The following FRMD5 variants were observed in gnomAD, a reference collection of about 807,000 sequenced individuals.
FRMD5 encodes the protein FERM domain containing 5.
A neutral mutation model predicts 69.0 loss-of-function variants in FRMD5; 20 were observed. That is an observed-to-expected ratio of 0.29 (90% CI 0.20 to 0.42). The LOEUF is 0.42. FRMD5 is among the 10% of genes least tolerant of loss of function. The pLI, the probability that FRMD5 is intolerant of heterozygous loss-of-function variation, is 1.00. For synonymous variants in FRMD5, 271 were observed against 260.1 expected (o/e 1.04, Z -0.40); for missense variants, 595 against 708.6 (o/e 0.84, Z 1.82).
chr15:44,010,845 G>A (rs928476006), intron 1 of FRMD5, among the ~76,000 whole-genome samples: 1 of 152,032 alleles, frequency 6.6e-6, no homozygotes, highest in Non-Finnish European at 1.5e-5. Context: ...CTAACTGTGG[G>A]CAGAAGTTGT....
intron 1 of FRMD5, among the ~76,000 whole-genome samples, chr15:44,006,338 T>C (rs951496133): frequency 1.3e-4 from 20 of 152,166 alleles, no homozygotes; most frequent in African/African-American, 4.8e-4. Context: ...TTTCAAAATA[T>C]TACTGCTCAC....
chr15:44,040,829 T>A lies in FRMD5; in HGVS notation c.103-116520A>T, dbSNP rs149181825. 7.4e-3 allele frequency among the ~76,000 whole-genome samples: 1,126 copies of A among 151,744 alleles called. 21 individuals are homozygous for A. Among genetic ancestry groups the A allele is most frequent in the African/African-American group, 0.026 (1,076 of 41,318 alleles). On this transcript the variant is annotated intron_variant, in intron 1 of 13. Coordinates refer to ENST00000417257, the MANE Select transcript of FRMD5 (RefSeq NM_032892.5). ...CACACATAACAATATTAACCTTAAA[T>A]GTAAATGGGCTAAATGCCCCAATTA...
intron 1 of FRMD5, among the ~76,000 whole-genome samples, chr15:44,033,006 C>T (rs1222938350): frequency 1.3e-5 from 2 of 152,160 alleles, no homozygotes; most frequent in African/African-American, 4.8e-5. Context: ...GGTACATATA[C>T]ACCATGGAAT....
chr15:44,141,338 T>G (rs2077271038), intron 1 of FRMD5, among the ~76,000 whole-genome samples: 1 of 151,896 alleles, frequency 6.6e-6, no homozygotes, highest in African/African-American at 2.4e-5. Flanking sequence ...ACAAAATAAT[T>G]AAAAGAGTGT....
At chr15:44,049,580 T>G (rs1292780649) in intron 1 of FRMD5, among the ~76,000 whole-genome samples, 1 of 152,036 alleles carries the variant, frequency 6.6e-6, no homozygotes, top group East Asian at 1.9e-4. Context: ...GAGGAATCAA[T>G]AAGAAAAAAA....
chr15:44,090,311 G>A lies in FRMD5; in HGVS notation c.102+104642C>T, dbSNP rs16959475. Among the ~76,000 whole-genome samples the A allele has an allele frequency of 8.3e-3, 1,265 of 152,144 alleles. 16 individuals carry two copies. Among genetic ancestry groups the A allele is most frequent in the African/African-American group, 0.029 (1,223 of 41,510 alleles). On this transcript the variant is annotated intron_variant, in intron 1 of 13. Transcript: ENST00000417257. ...TCCCTAGTGAGTACTGCTCTCTTTA[G>A]ATGTCCCAATTGATTTGTAACTATA...
At chr15:43,935,714 C>T (rs906985179) in intron 1 of FRMD5, among the ~76,000 whole-genome samples, 10 of 152,242 alleles carry the variant, frequency 6.6e-5, no homozygotes, top group African/African-American at 2.4e-4. Context: ...GGAGGGGAGG[C>T]AGGAACCTTG....
At chr15:44,140,797 C>G (rs1473738281) in intron 1 of FRMD5, among the ~76,000 whole-genome samples, 1 of 145,422 alleles carries the variant, frequency 6.9e-6, no homozygotes. Context: ...GTAGGAGGGT[C>G]GCTTGGGCCC....
chr15:44,079,197 AATCAAAAT>A, intron 1 of FRMD5, among the ~76,000 whole-genome samples: 1 of 152,264 alleles, frequency 6.6e-6, no homozygotes, highest in East Asian at 1.9e-4. Flanking sequence ...GGAAAATGCA[AATCAAAAT>A]TACAGTGAGA....
intron 1 of FRMD5, among the ~76,000 whole-genome samples, chr15:43,974,674 A>G (rs1028034807): frequency 6.6e-6 from 1 of 152,222 alleles, no homozygotes. Context: ...AAGTGTTGAA[A>G]AGCAAAATAA....
At chr15:44,067,758 T>C (rs758694070) in intron 1 of FRMD5, among the ~76,000 whole-genome samples, 1 of 152,126 alleles carries the variant, frequency 6.6e-6, no homozygotes, top group Non-Finnish European at 1.5e-5. Flanking sequence ...ATATCAACAT[T>C]CAGACCATAG....
chr15:43,924,327 T>G lies in FRMD5; in HGVS notation c.103-18A>C. The G allele has an allele frequency of 1.3e-6, 2 of 1,579,704 alleles. No individual in the cohort carries two copies. The highest frequency in any genetic ancestry group is 1.7e-4 in the Middle Eastern group (1 of 5,972). ...GCATCTCTCTGCAAAGAAAGAAAAC[T>G]CCATTGAGAAATGAGTGGGTTTCTT... On this transcript the variant is annotated intron_variant, in intron 1 of 13. Transcript: ENST00000417257.
chr15:43,947,039 G>A (rs2089958657), intron 1 of FRMD5, among the ~76,000 whole-genome samples: 1 of 152,162 alleles, frequency 6.6e-6, no homozygotes, highest in South Asian at 2.1e-4. Flanking sequence ...TCAATTTGAG[G>A]TGAACTGGTT....
In FRMD5 at chr15:44,180,500, A is replaced by G. The variant is rs1458384959; in HGVS notation, c.102+14453T>C. Among the ~76,000 whole-genome samples, 3 of 152,112 alleles carry G rather than the reference A, an allele frequency of 2.0e-5. No homozygotes were observed. The East Asian group carries it at 5.8e-4, about 29-fold the overall frequency. On this transcript the variant is annotated intron_variant, in intron 1 of 13. Coordinates refer to ENST00000417257, the MANE Select transcript of FRMD5 (RefSeq NM_032892.5). The stretch of plus-strand genomic sequence containing the variant: ...CAGAGAAAGGATGTAAAAAAAGAAT[A>G]CTGGCCAGGCGCGGCAGCTCACACC...
chr15:43,952,563 C>T (rs781188689), intron 1 of FRMD5, among the ~76,000 whole-genome samples: 3 of 152,210 alleles, frequency 2.0e-5, no homozygotes, highest in Non-Finnish European at 2.9e-5. Flanking sequence ...GCAGAGGGAA[C>T]GCTTGGGTGA....
In FRMD5 at chr15:43,872,234, C is replaced by T. The variant is rs2088178461; in HGVS notation, c.*1651G>A. ...TATGCAAATCTCTCCCTAAGAACCC[C>T]AATTATTCCACAGTTGTCATATTGT... On this transcript the variant is annotated 3_prime_UTR_variant, in exon 14 of 14. Coordinates refer to ENST00000417257, the MANE Select transcript of FRMD5 (RefSeq NM_032892.5). The T allele has an allele frequency of 1.3e-5, 2 of 151,902 alleles. No homozygotes were observed. The highest frequency in any genetic ancestry group is 2.9e-5 in the Non-Finnish European group (2 of 67,984). The allele number at this position is 151,902 out of a possible 1,614,324, so 9.4% of individuals were successfully genotyped here.
chr15:43,905,724 T>C (rs1263799146), intron 6 of FRMD5, 104 bp downstream of exon 6: 7 of 1,422,508 alleles, frequency 4.9e-6, no homozygotes, highest in African/African-American at 4.3e-5. Context: ...AGCATCACTC[T>C]GTGTCAGTAA....
At chr15:44,036,511 T>C (rs1007820898) in intron 1 of FRMD5, among the ~76,000 whole-genome samples, 3 of 152,228 alleles carry the variant, frequency 2.0e-5, no homozygotes, top group Non-Finnish European at 4.4e-5. Context: ...TGCATGGCTG[T>C]GTGATTGCAC....
chr15:44,050,825 T>C (rs948346389), intron 1 of FRMD5, among the ~76,000 whole-genome samples: 4 of 151,722 alleles, frequency 2.6e-5, no homozygotes, highest in Non-Finnish European at 4.4e-5. Context: ...ACTCAGCTAA[T>C]TTTTGTATTT....
Sources: gnomAD v4.1 joint callset for allele counts (sites outside exome capture counted in the v4.1 genomes callset) on GRCh38, gnomAD v4.1.1 for gene constraint, MANE v1.5 for transcripts, NCBI Gene and HGNC (gene_info 2026-07-23, HGNC 2026-07-21) for gene names.